THSD7B: variants seen among roughly 807,000 people sequenced by gnomAD.
The protein encoded by THSD7B is thrombospondin type-1 domain-containing protein 7B.
A neutral mutation model predicts 213.6 loss-of-function variants in THSD7B; 138 were observed. The ratio of observed to expected loss-of-function variants is 0.65; its 90% confidence interval spans 0.56 to 0.74. The LOEUF (loss-of-function observed/expected upper bound fraction) is 0.74. Among genes scored for constraint, THSD7B ranks in the 30% least tolerant of loss-of-function variants. THSD7B has a pLI of 0.00. For synonymous variants in THSD7B, 742 were observed against 687.0 expected, an observed-to-expected ratio of 1.08 and a Z score of -1.25; for missense variants, 1,931 against 1,991.5, an observed-to-expected ratio of 0.97 and a Z score of 0.58.
Position 137,320,572 on chromosome 2 carries a change from A to G in THSD7B, c.2500+44546A>G, listed in dbSNP as rs188961204. ...AGAAAATGAATGTGGTATGTGGACT[A>G]GTGTCAGGGTTGTAATTATACCCAA... On this transcript the variant is annotated intron_variant, in intron 12 of 27. Coordinates refer to ENST00000409968, the MANE Select transcript of THSD7B (RefSeq NM_001316349.2). Among the ~76,000 whole-genome samples, 14 of 152,326 alleles carry G rather than the reference A, an allele frequency of 9.2e-5. No individual in the cohort carries two copies. In the East Asian group the frequency reaches 2.1e-3, roughly 23 times the overall value.
chr2:137,658,854 G>A (rs1477683093), intron 24 of THSD7B, among the ~76,000 whole-genome samples: 1 of 152,194 alleles, frequency 6.6e-6, no homozygotes. Flanking sequence ...ATAATGGGTT[G>A]ACAATTGTAC....
chr2:136,909,587 C>T (rs79875255), intron 2 of THSD7B, among the ~76,000 whole-genome samples: 1,677 of 152,220 alleles, frequency 0.011, 28 homozygotes, highest in African/African-American at 0.038. Context: ...ACACAAATGA[C>T]TTTGGAAAAT....
chr2:136,996,339 C>CTT lies in THSD7B; in HGVS notation c.140-60076_140-60075dup, dbSNP rs540278587. ...TTTCTTTCTTTCTTTTTCTTTTTTT[C>CTT]TTTTTTCTTTTCTTTTTTTTCAGAC... On this transcript the variant is annotated intron_variant, in intron 2 of 27. Coordinates refer to ENST00000409968, the MANE Select transcript of THSD7B (RefSeq NM_001316349.2). Among the ~76,000 whole-genome samples the CTT allele has an allele frequency of 8.6e-5, 13 of 151,644 alleles. No individual in the cohort carries two copies. In the South Asian group the frequency reaches 2.5e-3, roughly 29 times the overall value.
At chr2:137,478,166 T>C (rs1248422579) in intron 15 of THSD7B, among the ~76,000 whole-genome samples, 1 of 152,200 alleles carries the variant, frequency 6.6e-6, no homozygotes, top group Non-Finnish European at 1.5e-5. Flanking sequence ...TCTATTACTT[T>C]GTTAAATAGG....
At chr2:136,933,967 TTCTC>T (rs1684676791) in intron 2 of THSD7B, among the ~76,000 whole-genome samples, 1 of 152,198 alleles carries the variant, frequency 6.6e-6, no homozygotes, top group Non-Finnish European at 1.5e-5. Context: ...TAGAAGTGTT[TTCTC>T]TCTCTTTGGA....
chr2:136,935,404 A>C (rs1684705342), intron 2 of THSD7B, among the ~76,000 whole-genome samples: 1 of 152,112 alleles, frequency 6.6e-6, no homozygotes, highest in African/African-American at 2.4e-5. Context: ...ACTCTATAGA[A>C]AGTGTTTAGC....
chr2:137,535,468 A>G (rs755141314), intron 15 of THSD7B, among the ~76,000 whole-genome samples: 20 of 151,922 alleles, frequency 1.3e-4, no homozygotes, highest in Non-Finnish European at 2.8e-4. Flanking sequence ...TAGGCTCCAT[A>G]TAATATAAGA....
intron 7 of THSD7B, among the ~76,000 whole-genome samples, chr2:137,210,359 A>G (rs2196350): frequency 0.6 from 90,198 of 151,412 alleles, 27,242 homozygotes; most frequent in South Asian, 0.71. Context: ...AAATTCTGTC[A>G]TGTGGAGTTG....
chr2:136,869,192 A>T (rs1194861714), intron 1 of THSD7B, among the ~76,000 whole-genome samples: 1 of 152,146 alleles, frequency 6.6e-6, no homozygotes, highest in Admixed American at 6.5e-5. Flanking sequence ...GGATATTCGT[A>T]ATGTATTTAT....
intron 14 of THSD7B, among the ~76,000 whole-genome samples, chr2:137,438,908 G>T (rs1478106174): frequency 1.3e-5 from 2 of 152,072 alleles, no homozygotes; most frequent in Non-Finnish European, 2.9e-5. Flanking sequence ...GGGGTAGGCT[G>T]TAAAACCAAT....
At chr2:137,350,075 A>G (rs1182497458) in intron 12 of THSD7B, among the ~76,000 whole-genome samples, 1 of 151,846 alleles carries the variant, frequency 6.6e-6, no homozygotes, top group East Asian at 1.9e-4. Context: ...CTATTCATTA[A>G]CCTGTTATGT....
chr2:136,881,267 G>A (rs950637355), intron 1 of THSD7B, among the ~76,000 whole-genome samples: 3 of 152,040 alleles, frequency 2.0e-5, no homozygotes, highest in African/African-American at 7.2e-5. Flanking sequence ...CCCTGCTTTG[G>A]ACTTGTTGTG....
intron 12 of THSD7B, among the ~76,000 whole-genome samples, chr2:137,403,974 T>C (rs898529647): frequency 6.6e-6 from 1 of 152,148 alleles, no homozygotes; most frequent in African/African-American, 2.4e-5. Context: ...GGTTGAGAAA[T>C]GTTGATCTAG....
chr2:137,406,088 A>T (rs556053635), intron 13 of THSD7B, among the ~76,000 whole-genome samples: 1 of 152,144 alleles, frequency 6.6e-6, no homozygotes, highest in Non-Finnish European at 1.5e-5. Flanking sequence ...TCATTCACCA[A>T]CTTCTTTTGA....
At chr2:137,426,380 T>G (rs1558793549) in intron 14 of THSD7B, among the ~76,000 whole-genome samples, 1 of 152,062 alleles carries the variant, frequency 6.6e-6, no homozygotes, top group Non-Finnish European at 1.5e-5. Context: ...AAAGTAATAT[T>G]GAACAAGAAG....
At chr2:137,372,323 CTTTTTTTTTTTTTTTTT>C (rs55635315) in intron 12 of THSD7B, among the ~76,000 whole-genome samples, 11 of 57,544 alleles carry the variant, frequency 1.9e-4, no homozygotes, top group East Asian at 1.6e-3. Context: ...TGATAATACT[CTTTTTTTTTTTTTTTTT>C]TTTTTTTTTT....
At chr2:137,586,094 C>T (rs778872154) in intron 17 of THSD7B, among the ~76,000 whole-genome samples, 22 of 152,136 alleles carry the variant, frequency 1.4e-4, no homozygotes, top group South Asian at 4.2e-4. Context: ...ATGTAATGGC[C>T]TTCTTTGTCT....
At chr2:137,233,215 G>C in intron 9 of THSD7B, 82 bp downstream of exon 9, 1 of 1,300,554 alleles carries the variant, frequency 7.7e-7, no homozygotes, top group Non-Finnish European at 1.1e-6. Flanking sequence ...TCAAGCAATA[G>C]ATATTTCTGG....
At chr2:137,233,199 C>A (rs1026962215) in intron 9 of THSD7B, 66 bp downstream of exon 9, 32 of 1,422,854 alleles carry the variant, frequency 2.2e-5, no homozygotes, top group Non-Finnish European at 3.0e-5. Flanking sequence ...TAGTTGAAAG[C>A]ATTTATCAAG....
Sources: allele counts gnomAD v4.1 joint callset (sites outside exome capture counted in the v4.1 genomes callset), GRCh38; gene constraint gnomAD v4.1.1; transcripts MANE v1.5; gene names NCBI Gene and HGNC (gene_info 2026-07-23, HGNC 2026-07-21).